ATP1A4: variants seen among roughly 807,000 people sequenced by gnomAD.
ATP1A4 encodes the protein sodium/potassium-transporting ATPase subunit alpha-4.
A neutral mutation model predicts 114.3 loss-of-function variants in ATP1A4; 90 were observed. That is an observed-to-expected ratio of 0.79 (90% CI 0.66 to 0.94). The LOEUF is 0.94. ATP1A4 is among the 40% of genes least tolerant of loss of function. ATP1A4 has a pLI of 0.00. For missense variants in ATP1A4, 1,222 were observed against 1,313.6 expected, an observed-to-expected ratio of 0.93 and a Z score of 1.08; for synonymous variants, 511 against 494.1, an observed-to-expected ratio of 1.03 and a Z score of -0.45.
At chr1:160,172,155 A>C (rs1443022642) in intron 12 of ATP1A4, among the ~76,000 whole-genome samples, 2 of 152,216 alleles carry the variant, frequency 1.3e-5, no homozygotes. Flanking sequence ...TTTGAAATGC[A>C]GATCTGGCTT....
At chr1:160,162,318 C>A (rs1042243479) in intron 6 of ATP1A4, among the ~76,000 whole-genome samples, 6 of 152,130 alleles carry the variant, frequency 3.9e-5, no homozygotes, top group African/African-American at 1.2e-4. Context: ...TGTCATGCCC[C>A]TCATTTCAAG....
chr1:160,163,954 T>A (rs1309694862), intron 6 of ATP1A4, among the ~76,000 whole-genome samples: 1 of 152,116 alleles, frequency 6.6e-6, no homozygotes, highest in Non-Finnish European at 1.5e-5. Flanking sequence ...GACACTCCTA[T>A]CACTCAAGAA....
Position 160,186,939 on chromosome 1 carries a change from G to T in ATP1A4, c.*240G>T. ...GAGGGGCATGGTCCTGCTGAATCCC[G>T]TAGCCAGTCTAGACAGTAAATGTCT... On this transcript the variant is annotated 3_prime_UTR_variant, in exon 22 of 22. Transcript: ENST00000368081. The T allele has an allele frequency of 1.6e-5, 9 of 573,902 alleles. No homozygotes were observed. 35.6% of individuals were successfully genotyped at this position (573,902 alleles called of 1,614,324 possible). A position where few individuals can be genotyped will look rare whatever the true frequency, so the allele number is the denominator to read the frequency against.
chr1:160,164,154 A>G lies in ATP1A4; in HGVS notation c.779-2A>G. On this transcript the variant is annotated splice_acceptor_variant, in intron 6 of 21. Transcript: ENST00000368081. LOFTEE classifies it high-confidence loss of function. ...CATTGCCCTCTCCTGCTTCATCCAC[A>G]GGAACCGCCCGGGGTATTGTGATTG... The G allele has an allele frequency of 3.1e-6, 5 of 1,613,498 alleles. No homozygotes were observed. Among genetic ancestry groups the G allele is most frequent in the Non-Finnish European group, 4.2e-6 (5 of 1,179,486 alleles).
At position 160,172,445 on chromosome 1, in the gene ATP1A4, C is replaced by T. The variant is rs780521587; in HGVS notation, c.1854+688C>T. Among the ~76,000 whole-genome samples the T allele has an allele frequency of 6.6e-5, 10 of 152,108 alleles. No homozygotes were observed. The South Asian group carries it at 8.3e-4, about 13-fold the overall frequency. The stretch of plus-strand genomic sequence containing the variant: ...GGTCTAAAAACTGGAAACCAAAAAT[C>T]GGTCAGAGCAAGAGTGAAAGTTCAG... On this transcript the variant is annotated intron_variant, in intron 12 of 21. Coordinates refer to ENST00000368081, the MANE Select transcript of ATP1A4 (RefSeq NM_144699.4).
intron 20 of ATP1A4, among the ~76,000 whole-genome samples, chr1:160,185,956 G>T (rs1008459970): frequency 2.7e-5 from 4 of 150,058 alleles, no homozygotes; most frequent in African/African-American, 9.8e-5. Context: ...TTAGCTGGGC[G>T]TGGTGGTGCA....
chr1:160,155,589 G>A (rs1157964197), intron 3 of ATP1A4, among the ~76,000 whole-genome samples: 1 of 151,894 alleles, frequency 6.6e-6, no homozygotes, highest in Non-Finnish European at 1.5e-5. Flanking sequence ...TTCCATCTTG[G>A]TTCCTCTCAC....
Position 160,164,293 on chromosome 1 carries a change from G to A in ATP1A4, c.916G>A (p.Val306Met), listed in dbSNP as rs757910627. The change falls in exon 7 of 22, where the codon GTG becomes ATG. Residue 306 changes from valine (V) to methionine (M), a missense_variant. Transcript: ENST00000368081. ...IEHFIHLITV[V>M]AVFLGVTFFA... ...ACACTTCATCCATCTGATCACTGTG[G>A]TGGCCGTCTTCCTTGGTGTCACTTT... 3.2e-5 allele frequency: 51 copies of A among 1,614,052 alleles called. No individual in the cohort carries two copies. In the East Asian group the frequency reaches 1.1e-3, roughly 35 times the overall value.
chr1:160,153,058 T>C, intron 1 of ATP1A4, 107 bp from the exon 2 acceptor site: 1 of 882,078 alleles, frequency 1.1e-6, no homozygotes. Context: ...GCTTACAAAA[T>C]GGAGCAGTCT....
chr1:160,165,478 T>G (rs529644269), intron 7 of ATP1A4, among the ~76,000 whole-genome samples: 22 of 152,174 alleles, frequency 1.4e-4, no homozygotes, highest in East Asian at 7.7e-4. Context: ...ACTATTGGTC[T>G]GCCGGGCGCG....
Position 160,166,509 on chromosome 1 carries a change from C to T in ATP1A4, c.1048-19C>T. The T allele has an allele frequency of 6.2e-7, 1 of 1,613,912 alleles. No individual in the cohort carries two copies. Among genetic ancestry groups the T allele is most frequent in the Non-Finnish European group, 8.5e-7 (1 of 1,179,808 alleles). On this transcript the variant is annotated intron_variant, in intron 7 of 21. Coordinates refer to ENST00000368081, the MANE Select transcript of ATP1A4 (RefSeq NM_144699.4). ...ATTCCATCTCCCATGTGTATTCTCT[C>T]CTCTCTTCTTGGCTTTAGGTGTGCC...
chr1:160,176,694 A>G (rs1653478489), intron 17 of ATP1A4, 92 bp downstream of exon 17: 10 of 1,539,130 alleles, frequency 6.5e-6, no homozygotes, highest in Non-Finnish European at 7.1e-6. Flanking sequence ...TCAGGGAGAT[A>G]TTTTCTCAGC....
At chr1:160,153,340 C>A in intron 2 of ATP1A4, 116 bp downstream of exon 2, 2 of 871,206 alleles carry the variant, frequency 2.3e-6, no homozygotes, top group East Asian at 2.6e-5. Flanking sequence ...CGTTCCCACC[C>A]CTCACCCTCT....
chr1:160,155,018 A>G (rs759150826), intron 2 of ATP1A4, 27 bp from the exon 3 acceptor site: 1 of 1,606,946 alleles, frequency 6.2e-7, no homozygotes, highest in Admixed American at 1.7e-5. Context: ...ACAGCTCTCT[A>G]TCCAACCCTA....
chr1:160,181,717 T>C lies in ATP1A4; in HGVS notation c.2770T>C (p.Cys924Arg), dbSNP rs780196294. 1 of 1,614,180 alleles carries C rather than the reference T, an allele frequency of 6.2e-7. No individual in the cohort carries two copies. Among genetic ancestry groups the C allele is most frequent in the Non-Finnish European group, 8.5e-7 (1 of 1,180,040 alleles). The change falls in exon 19 of 22, where the codon TGC (cysteine) becomes CGC (arginine). Residue 924 changes from cysteine to arginine, a missense_variant. Physicochemically the swap from Cys to Arg is radical, Grantham distance 180. Coordinates refer to ENST00000368081, the MANE Select transcript of ATP1A4 (RefSeq NM_144699.4). ...YEQRKVVEFTCQTAFFVTIVV... is the reference protein window; with the variant it reads ...YEQRKVVEFTRQTAFFVTIVV... ...GCAACGAAAAGTTGTGGAGTTCACA[T>C]GCCAAACGGCCTTTTTTGTCACCAT...
chr1:160,166,309 C>T (rs1467938137), intron 7 of ATP1A4, among the ~76,000 whole-genome samples: 1 of 152,164 alleles, frequency 6.6e-6, no homozygotes, highest in African/African-American at 2.4e-5. Context: ...TTTAAATACA[C>T]TCTTTTTTGA....
Position 160,164,308 on chromosome 1 carries a change from G to T in ATP1A4, c.931G>T (p.Gly311Cys), listed in dbSNP as rs749620284. Residue 311 changes from glycine to cysteine, a missense_variant, in exon 7 of 22, where the codon GGT becomes TGT. Coordinates refer to ENST00000368081, the MANE Select transcript of ATP1A4 (RefSeq NM_144699.4). ...GATCACTGTGGTGGCCGTCTTCCTT[G>T]GTGTCACTTTTTTTGCGCTCTCACT... ...HLITVVAVFLGVTFFALSLLL... is the reference protein window; with the variant it reads ...HLITVVAVFLCVTFFALSLLL... 1 of 1,614,152 alleles carries T rather than the reference G, an allele frequency of 6.2e-7. No homozygotes were observed. The highest frequency in any genetic ancestry group is 8.5e-7 in the Non-Finnish European group (1 of 1,180,018).
rs1323761589 is a variant in ATP1A4, at chr1:160,151,947, C to T, written c.-94C>T. 2.1e-6 allele frequency: 3 copies of T among 1,443,114 alleles called. No individual in the cohort carries two copies. Among genetic ancestry groups the T allele is most frequent in the African/African-American group, 2.8e-5 (2 of 70,438 alleles). 89.4% of individuals were successfully genotyped at this position (1,443,114 alleles called of 1,614,324 possible). A position where few individuals can be genotyped will look rare whatever the true frequency, so the allele number is the denominator to read the frequency against. On this transcript the variant is annotated 5_prime_UTR_variant, in exon 1 of 22. Transcript: ENST00000368081. ...CTCCCCACCACTCTCTTCTCGTGGCCCCCTTGCCCGCGCGCCCTCTTCCCT... is the reference window on the plus strand; with the variant it reads ...CTCCCCACCACTCTCTTCTCGTGGCTCCCTTGCCCGCGCGCCCTCTTCCCT...
intron 14 of ATP1A4, 78 bp from the exon 15 acceptor site, chr1:160,174,501 G>A: frequency 6.4e-7 from 1 of 1,555,744 alleles, no homozygotes; most frequent in Non-Finnish European, 8.7e-7. Flanking sequence ...AAGGGATGCA[G>A]AAAGCGTACT....
Sources: allele counts gnomAD v4.1 joint callset (sites outside exome capture counted in the v4.1 genomes callset), GRCh38; gene constraint gnomAD v4.1.1; transcripts MANE v1.5; gene names NCBI Gene and HGNC (gene_info 2026-07-23, HGNC 2026-07-21).